The following POU2F1 variants were observed in gnomAD, a reference collection of about 807,000 sequenced individuals.
POU2F1 encodes the protein POU domain, class 2, transcription factor 1.
A neutral mutation model predicts 84.9 loss-of-function variants in POU2F1; 16 were observed. The ratio of observed to expected loss-of-function variants is 0.19; its 90% CI spans 0.13 to 0.29. The LOEUF (loss-of-function observed/expected upper bound fraction) is 0.29, where lower values mean the gene tolerates loss of function less well. POU2F1 is among the 10% of genes least tolerant of loss of function. The pLI is 1.00. For synonymous variants in POU2F1, 368 were observed against 368.3 expected, an observed-to-expected ratio of 1.00 and a Z score of 0.01; for missense variants, 738 against 942.6, an observed-to-expected ratio of 0.78 and a Z score of 2.84.
intron 1 of POU2F1, among the ~76,000 whole-genome samples, chr1:167,302,899 C>T (rs1038251668): frequency 6.6e-6 from 1 of 152,252 alleles, no homozygotes; most frequent in South Asian, 2.1e-4. Context: ...GATTCTGAGG[C>T]CTCATGACAA....
intron 2 of POU2F1, among the ~76,000 whole-genome samples, chr1:167,339,534 C>T (rs1657696178): frequency 6.6e-6 from 1 of 152,204 alleles, no homozygotes; most frequent in Admixed American, 6.5e-5. Flanking sequence ...GAATATTGGA[C>T]AAACATTAAA....
At chr1:167,386,542 C>T (rs963582754) in intron 8 of POU2F1, among the ~76,000 whole-genome samples, 12 of 152,166 alleles carry the variant, frequency 7.9e-5, no homozygotes, top group South Asian at 4.1e-4. Context: ...AGTTCTGTCC[C>T]TAGAAATGAA....
Position 167,416,111 on chromosome 1 carries a change from C to CA in POU2F1, c.*308dup. On this transcript the variant is annotated 3_prime_UTR_variant, in exon 16 of 16. Transcript: ENST00000367866. Reference sequence around the variant, plus strand: ...TTAAAAAAAAAAAAAAAAAAAGAAACAAAAAAATCAAAAACAAACAAAAAT... The same window carrying CA: ...TTAAAAAAAAAAAAAAAAAAAGAAACAAAAAAAATCAAAAACAAACAAAAAT... 1 of 401,946 alleles carries CA rather than the reference C, an allele frequency of 2.5e-6. No individual in the cohort carries two copies. Among genetic ancestry groups the CA allele is most frequent in the Non-Finnish European group, 4.4e-6 (1 of 226,746 alleles). The allele number at this position is 401,946 out of a possible 1,614,324, so 24.9% of individuals were successfully genotyped here. A position where few individuals can be genotyped will look rare whatever the true frequency, so the allele number is the denominator to read the frequency against.
intron 13 of POU2F1, among the ~76,000 whole-genome samples, chr1:167,410,600 C>T (rs1649891724): frequency 6.6e-6 from 1 of 152,140 alleles, no homozygotes; most frequent in South Asian, 2.1e-4. Flanking sequence ...ACTGCAACCT[C>T]CACCTCTTGG....
chr1:167,378,886 G>A (rs909840657), intron 7 of POU2F1, among the ~76,000 whole-genome samples: 15 of 151,912 alleles, frequency 9.9e-5, no homozygotes, highest in Non-Finnish European at 1.9e-4. Flanking sequence ...CCAAGGAGCT[G>A]GGATTACAGG....
At chr1:167,313,110 G>A (rs939859576) in intron 1 of POU2F1, among the ~76,000 whole-genome samples, 1 of 152,178 alleles carries the variant, frequency 6.6e-6, no homozygotes, top group Non-Finnish European at 1.5e-5. Context: ...ATACTTGGTT[G>A]TAAATCCAAC....
chr1:167,294,721 A>G (rs948975962), intron 1 of POU2F1, among the ~76,000 whole-genome samples: 1 of 152,162 alleles, frequency 6.6e-6, no homozygotes, highest in Admixed American at 6.5e-5. Context: ...ACAATGAGAT[A>G]CCACTTTATT....
chr1:167,222,076 C>G (rs965993126), intron 1 of POU2F1, among the ~76,000 whole-genome samples: 7 of 152,138 alleles, frequency 4.6e-5, no homozygotes, highest in African/African-American at 9.7e-5. Flanking sequence ...GCGGGTGGCC[C>G]TCCGGGGCCT....
At chr1:167,369,950 T>G (rs970279018) in intron 3 of POU2F1, among the ~76,000 whole-genome samples, 2 of 151,336 alleles carry the variant, frequency 1.3e-5, no homozygotes, top group African/African-American at 4.8e-5. Flanking sequence ...AAAAAAAGAT[T>G]AACAGCATTT....
rs569370188 is a variant in POU2F1 at position 167,233,282 on chromosome 1, G to A, written c.61+12324G>A. On this transcript the variant is annotated intron_variant, in intron 1 of 15. Transcript: ENST00000367866. ...CTCCTGAGGAGCTGGTACCACAGGCGCACGCACCCATGCCCAGCTAATTTT... is the reference window on the plus strand; with the variant it reads ...CTCCTGAGGAGCTGGTACCACAGGCACACGCACCCATGCCCAGCTAATTTT... 9.9e-5 allele frequency among the ~76,000 whole-genome samples: 15 copies of A among 151,254 alleles called. No individual in the cohort carries two copies. In the East Asian group the frequency reaches 2.3e-3, roughly 24 times the overall value.
At chr1:167,288,141 A>G (rs1246210761) in intron 1 of POU2F1, among the ~76,000 whole-genome samples, 1 of 152,242 alleles carries the variant, frequency 6.6e-6, no homozygotes, top group African/African-American at 2.4e-5. Context: ...ACTCAGAAGG[A>G]AAGACTGAAA....
chr1:167,324,038 A>G (rs1287588870), intron 1 of POU2F1, among the ~76,000 whole-genome samples: 1 of 152,210 alleles, frequency 6.6e-6, no homozygotes, highest in Non-Finnish European at 1.5e-5. Context: ...AAAAGAATAG[A>G]AAAAGAAAGA....
chr1:167,239,091 C>T (rs1210576619), intron 1 of POU2F1, among the ~76,000 whole-genome samples: 2 of 152,104 alleles, frequency 1.3e-5, no homozygotes, highest in African/African-American at 4.8e-5. Flanking sequence ...TTTTCCCCCC[C>T]AAATGGACAG....
intron 1 of POU2F1, among the ~76,000 whole-genome samples, chr1:167,232,752 A>G (rs1649158097): frequency 6.6e-6 from 1 of 152,050 alleles, no homozygotes; most frequent in African/African-American, 2.4e-5. Flanking sequence ...CTGAGGCAGG[A>G]GAATCACTTG....
At position 167,260,759 on chromosome 1, in the gene POU2F1, A is replaced by G. The variant is rs192440693; in HGVS notation, c.61+39801A>G. On this transcript the variant is annotated intron_variant, in intron 1 of 15. Transcript: ENST00000367866. ...AAGCTGGCACTTTTTGTTTACTACT[A>G]TGTTATTGCCTGAGTAGTCTTGACT... is the stretch of plus-strand genomic sequence containing the variant. Among the ~76,000 whole-genome samples, 25 of 152,182 alleles carry G rather than the reference A, an allele frequency of 1.6e-4. No individual in the cohort carries two copies. The East Asian group carries it at 3.5e-3, about 21-fold the overall frequency.
chr1:167,392,308 C>G (rs545979148), intron 9 of POU2F1, among the ~76,000 whole-genome samples: 195 of 150,452 alleles, frequency 1.3e-3, no homozygotes, highest in African/African-American at 3.8e-3. Context: ...GCCAAGATCA[C>G]GCCACTGCAC....
chr1:167,220,915 A>T lies in POU2F1; in HGVS notation c.18A>T (p.Ala6=). The T allele has an allele frequency of 6.5e-7, 1 of 1,535,322 alleles. No homozygotes were observed. The highest frequency in any genetic ancestry group is 1.2e-5 in the South Asian group (1 of 84,022). Residue 6 remains alanine (A), a synonymous_variant, in exon 1 of 16, where the codon GCA becomes GCT. Coordinates refer to ENST00000367866, the MANE Select transcript of POU2F1 (RefSeq NM_002697.4). MADGG[A]ASQDESSAAA... Reference sequence around the variant, plus strand: ...TATTCAAAATGGCGGACGGAGGAGCAGCGAGTCAAGATGAGAGTTCAGCCG... The same window carrying T: ...TATTCAAAATGGCGGACGGAGGAGCTGCGAGTCAAGATGAGAGTTCAGCCG...
chr1:167,246,208 C>CA (rs1650307655), intron 1 of POU2F1, among the ~76,000 whole-genome samples: 1 of 152,002 alleles, frequency 6.6e-6, no homozygotes, highest in Non-Finnish European at 1.5e-5. Flanking sequence ...CATGAAGACC[C>CA]ACCTAGGAGA....
intron 1 of POU2F1, among the ~76,000 whole-genome samples, chr1:167,302,304 A>G (rs1176267076): frequency 2.7e-5 from 4 of 148,404 alleles, no homozygotes; most frequent in Non-Finnish European, 5.9e-5. Context: ...CTGTGTCACC[A>G]GGTTGGAGTG....
Sources: gnomAD v4.1 joint callset for allele counts (sites outside exome capture counted in the v4.1 genomes callset) on GRCh38, gnomAD v4.1.1 for gene constraint, MANE v1.5 for transcripts, NCBI Gene and HGNC (gene_info 2026-07-23, HGNC 2026-07-21) for gene names.